The following TTYH2 variants were observed in gnomAD, a reference collection of about 807,000 sequenced individuals.
TTYH2 encodes the protein protein tweety homolog 2.
TTYH2 carries 49 observed loss-of-function variants against 68.3 expected under a neutral mutation model. The ratio of observed to expected loss-of-function variants is 0.72; its 90% CI spans 0.57 to 0.91. TTYH2 has a LOEUF of 0.91. Among genes scored for constraint, TTYH2 ranks in the 40% least tolerant of loss-of-function variants. TTYH2 has a pLI of 0.00. For synonymous variants in TTYH2, 272 were observed against 300.8 expected, an observed-to-expected ratio of 0.90 and a Z score of 0.99; for missense variants, 631 against 700.4, an observed-to-expected ratio of 0.90 and a Z score of 1.12.
intron 10 of TTYH2, among the ~76,000 whole-genome samples, chr17:74,251,218 G>A (rs1471129140): frequency 6.6e-6 from 1 of 151,292 alleles, no homozygotes; most frequent in Non-Finnish European, 1.5e-5. Flanking sequence ...TGGTGCATGT[G>A]TATGTGCCTG....
At chr17:74,249,645 G>A (rs559260994) in intron 8 of TTYH2, among the ~76,000 whole-genome samples, 1 of 152,314 alleles carries the variant, frequency 6.6e-6, no homozygotes, top group East Asian at 1.9e-4. Flanking sequence ...CTGGGGTGGG[G>A]CCGAGATTCT....
At position 74,222,554 on chromosome 17, in the gene TTYH2, C is replaced by G; in HGVS notation, c.199C>G (p.Leu67Val). 6.2e-7 allele frequency: 1 copy of G among 1,612,748 alleles called. No individual in the cohort carries two copies. ...GAACCTCATCTTCCTTGTGGCTTACCTGGTCTGTGCATGCCACTGCCGGCG... is the reference window on the plus strand; with the variant it reads ...GAACCTCATCTTCCTTGTGGCTTACGTGGTCTGTGCATGCCACTGCCGGCG... The part of the protein sequence containing the change: ...GLNLIFLVAY[L>V]VCACHCRRDD... Residue 67 changes from leucine to valine, a missense_variant, in exon 2 of 14, where the codon CTG (leucine) becomes GTG (valine). Leu to Val is a conservative substitution (Grantham distance 32). Coordinates refer to ENST00000269346, the MANE Select transcript of TTYH2 (RefSeq NM_032646.6). This position sits in a 1 kb window ranked among gnomAD's most constrained non-coding sequence, Gnocchi z 5.2.
Position 74,251,226 on chromosome 17 carries a change from CTGTA to C in TTYH2, c.1116+873_1116+876del, listed in dbSNP as rs572557394. Among the ~76,000 whole-genome samples the C allele has an allele frequency of 7.1e-4, 105 of 147,652 alleles. No homozygotes were observed. The South Asian group carries it at 0.019, about 27-fold the overall frequency. Reference sequence around the variant, plus strand: ...GTGTGTGTGGTGCATGTGTATGTGCCTGTATGTGTGTGTGGGGTGTGTGGTGTGT... The same window carrying C: ...GTGTGTGTGGTGCATGTGTATGTGCCTGTGTGTGTGGGGTGTGTGGTGTGT... On this transcript the variant is annotated intron_variant, in intron 10 of 13. Transcript: ENST00000269346.
chr17:74,226,868 A>G (rs1264530235), intron 2 of TTYH2, among the ~76,000 whole-genome samples: 1 of 152,132 alleles, frequency 6.6e-6, no homozygotes, highest in Non-Finnish European at 1.5e-5. Flanking sequence ...AGTTTTTCCT[A>G]TGGCCCAGGT....
At position 74,261,652 on chromosome 17, in the gene TTYH2, G is replaced by C. The variant is rs988326905; in HGVS notation, c.*1443G>C. On this transcript the variant is annotated 3_prime_UTR_variant, in exon 14 of 14. Coordinates refer to ENST00000269346, the MANE Select transcript of TTYH2 (RefSeq NM_032646.6). ...CTGAAGCAGGGGCGTGCGGTGACTC[G>C]GTGCTTCTGTTTTGGAAGAACCACC... The C allele has an allele frequency of 2.6e-5, 4 of 152,536 alleles. No homozygotes were observed. Among genetic ancestry groups the C allele is most frequent in the Non-Finnish European group, 5.9e-5 (4 of 68,048 alleles). 9.4% of individuals were successfully genotyped at this position (152,536 alleles called of 1,614,324 possible).
rs2050522086 is a variant in TTYH2, at chr17:74,243,420, C to T, written c.682C>T (p.Leu228Phe). 2 of 1,614,106 alleles carry T rather than the reference C, an allele frequency of 1.2e-6. No individual in the cohort carries two copies. Among genetic ancestry groups the T allele is most frequent in the Non-Finnish European group, 8.5e-7 (1 of 1,180,042 alleles). ...CTTTATCCTGGACCTGGTCATCTGCCTCATTGCCTGCCTGGGACTGGCCAA... is the reference window on the plus strand; with the variant it reads ...CTTTATCCTGGACCTGGTCATCTGCTTCATTGCCTGCCTGGGACTGGCCAA... ...LLFILDLVIC[L>F]IACLGLAKRS... is the part of the protein sequence containing the mutation. The change falls in exon 5 of 14, where the codon CTC becomes TTC. Residue 228 changes from leucine to phenylalanine, a missense_variant. Transcript: ENST00000269346.
chr17:74,243,837 T>C, intron 5 of TTYH2, 140 bp from the exon 6 acceptor site: 1 of 746,670 alleles, frequency 1.3e-6, no homozygotes, highest in Non-Finnish European at 2.2e-6. Context: ...CCTTTCCTAG[T>C]AGTGAGCAGG....
chr17:74,226,417 G>A (rs1204497927), intron 2 of TTYH2, among the ~76,000 whole-genome samples: 1 of 152,126 alleles, frequency 6.6e-6, no homozygotes, highest in African/African-American at 2.4e-5. Context: ...CGTGTTCCAG[G>A]AAGAGGAACC....
At chr17:74,248,407 A>G (rs778101259) in intron 6 of TTYH2, 170 of 986,710 alleles carry the variant, frequency 1.7e-4, no homozygotes, top group Non-Finnish European at 2.0e-4. Flanking sequence ...CCTCCAGCTC[A>G]TAAGTGGCAG....
At position 74,261,208 on chromosome 17, in the gene TTYH2, G is replaced by T. The variant is rs74613031; in HGVS notation, c.*999G>T. ...GGGAAGGAGTCGATTCTTAAATAAG[G>T]ATCAGTGAGGCATCCTGTCCCAAGC... is the stretch of plus-strand genomic sequence containing the variant. On this transcript the variant is annotated 3_prime_UTR_variant, in exon 14 of 14. Coordinates refer to ENST00000269346, the MANE Select transcript of TTYH2 (RefSeq NM_032646.6). The T allele has an allele frequency of 4.9e-3, 741 of 152,388 alleles. 2 individuals are homozygous for T. Among genetic ancestry groups the T allele is most frequent in the South Asian group, 0.011 (51 of 4,826 alleles). 9.4% of individuals were successfully genotyped at this position (152,388 alleles called of 1,614,324 possible).
chr17:74,227,350 T>C (rs1016125014), intron 2 of TTYH2, among the ~76,000 whole-genome samples: 2 of 152,044 alleles, frequency 1.3e-5, no homozygotes, highest in African/African-American at 2.4e-5. Context: ...CCCGAGAGAA[T>C]AGAAGGATGG....
intron 4 of TTYH2, among the ~76,000 whole-genome samples, chr17:74,242,072 C>G (rs1027291818): frequency 1.3e-5 from 2 of 152,218 alleles, no homozygotes; most frequent in Non-Finnish European, 2.9e-5. Context: ...AATCCTTCCT[C>G]TGGCCCTGTG....
At chr17:74,218,065 C>G (rs2050238349) in intron 1 of TTYH2, among the ~76,000 whole-genome samples, 2 of 152,024 alleles carry the variant, frequency 1.3e-5, no homozygotes. Context: ...CCATTCCCCT[C>G]CACCTCCATG....
intron 10 of TTYH2, among the ~76,000 whole-genome samples, chr17:74,251,232 G>A (rs867808067): frequency 7.3e-5 from 11 of 150,902 alleles, no homozygotes; most frequent in African/African-American, 2.7e-4. Flanking sequence ...GTGCCTGTAT[G>A]TGTGTGTGGG....
At chr17:74,220,775 G>T (rs1051220520) in intron 1 of TTYH2, among the ~76,000 whole-genome samples, 2 of 151,424 alleles carry the variant, frequency 1.3e-5, no homozygotes, top group Non-Finnish European at 2.9e-5. Flanking sequence ...CTGGGCCCTG[G>T]CTTCCCAGCT....
At chr17:74,246,532 C>G (rs1335611148) in intron 6 of TTYH2, among the ~76,000 whole-genome samples, 1 of 152,142 alleles carries the variant, frequency 6.6e-6, no homozygotes, top group Non-Finnish European at 1.5e-5. Context: ...TTCAGACCCA[C>G]ACCTCCATTC....
intron 10 of TTYH2, chr17:74,250,653 A>C: frequency 6.6e-6 from 2 of 304,194 alleles, no homozygotes; most frequent in East Asian, 5.7e-5. Flanking sequence ...CATTGTCCAG[A>C]CTCCTAGCCA....
intron 13 of TTYH2, among the ~76,000 whole-genome samples, chr17:74,256,284 G>A (rs1314785513): frequency 6.6e-6 from 1 of 152,174 alleles, no homozygotes; most frequent in Non-Finnish European, 1.5e-5. Flanking sequence ...GCAATGTCTG[G>A]AGGCATTTTC....
rs1416767529 is a variant in TTYH2 at position 74,222,805 on chromosome 17, AAGCAT to A, written c.302+149_302+153del. On this transcript the variant is annotated intron_variant, in intron 2 of 13. Transcript: ENST00000269346. The surrounding 1 kb of genome is among the most constrained non-coding windows in gnomAD (Gnocchi z 5.2). ...TGTTGTCCCTTTTTTTTTTTTTACC[AAGCAT>A]CAGGAATCAGATGCCTGGGGTGGTG... is the stretch of plus-strand genomic sequence containing the variant. 2.0e-6 allele frequency: 2 copies of A among 1,020,138 alleles called. No individual in the cohort carries two copies. Among genetic ancestry groups the A allele is most frequent in the Non-Finnish European group, 2.7e-6 (2 of 737,062 alleles). 63.2% of individuals were successfully genotyped at this position (1,020,138 alleles called of 1,614,324 possible). A position where few individuals can be genotyped will look rare whatever the true frequency, so the allele number is the denominator to read the frequency against.
Sources: allele counts gnomAD v4.1 joint callset (sites outside exome capture counted in the v4.1 genomes callset), GRCh38; gene constraint gnomAD v4.1.1; non-coding constraint Gnocchi (gnomAD v3.1); transcripts MANE v1.5; gene names NCBI Gene and HGNC (gene_info 2026-07-23, HGNC 2026-07-21).